The following SPTBN1 variants were observed in gnomAD, a reference collection of about 807,000 sequenced individuals.
SPTBN1 encodes the protein spectrin beta chain, non-erythrocytic 1.
SPTBN1 carries 32 observed loss-of-function variants against 266.4 expected under a neutral mutation model. The ratio of observed to expected loss-of-function variants is 0.12; its 90% CI spans 0.09 to 0.16. The LOEUF (loss-of-function observed/expected upper bound fraction) is 0.16, where lower values mean the gene tolerates loss of function less well. Among genes scored for constraint, SPTBN1 ranks in the 10% least tolerant of loss-of-function variants. The pLI, the probability that SPTBN1 is intolerant of heterozygous loss-of-function variation, is 1.00. For synonymous variants in SPTBN1, 1,336 were observed against 1,162.2 expected, an observed-to-expected ratio of 1.15 and a Z score of -3.04; for missense variants, 2,296 against 3,067.1, an observed-to-expected ratio of 0.75 and a Z score of 5.94.
At chr2:54,526,212 C>G (rs1427570571) in intron 1 of SPTBN1, among the ~76,000 whole-genome samples, 160 bp from the exon 2 acceptor site, 1 of 152,182 alleles carries the variant, frequency 6.6e-6, no homozygotes, top group Admixed American at 6.5e-5. Flanking sequence ...GGTCACACAT[C>G]TATTATGAGA....
intron 2 of SPTBN1, among the ~76,000 whole-genome samples, chr2:54,592,922 C>G (rs948519821): frequency 1.3e-5 from 2 of 152,184 alleles, no homozygotes; most frequent in Admixed American, 6.5e-5. Flanking sequence ...AGAGATAACT[C>G]TAGCATCCCA....
At chr2:54,596,330 A>G (rs1465286572) in intron 2 of SPTBN1, among the ~76,000 whole-genome samples, 3 of 152,212 alleles carry the variant, frequency 2.0e-5, no homozygotes, top group Non-Finnish European at 4.4e-5. Flanking sequence ...TCCTCTACTG[A>G]GCCACCAAAT....
intron 1 of SPTBN1, among the ~76,000 whole-genome samples, chr2:54,507,428 A>G (rs764852923): frequency 2.0e-5 from 3 of 152,176 alleles, no homozygotes; most frequent in Non-Finnish European, 2.9e-5. Flanking sequence ...CTGGGGCAAC[A>G]TGGAAACCTA....
Position 54,617,702 on chromosome 2 carries a change from A to T in SPTBN1, c.647+14A>T. On this transcript the variant is annotated intron_variant, in intron 6 of 35. Coordinates refer to ENST00000356805, the MANE Select transcript of SPTBN1 (RefSeq NM_003128.3). ...ACACAAACACCGGTAAGTCCATACA[A>T]ATCATCCTAGCAATCGTGGGGTAAA... The T allele has an allele frequency of 6.2e-7, 1 of 1,613,054 alleles. No homozygotes were observed. The highest frequency in any genetic ancestry group is 8.5e-7 in the Non-Finnish European group (1 of 1,179,286).
rs1670523287 is a variant in SPTBN1 at position 54,522,659 on chromosome 2, AGAGAGAGAGAGAGAGAGAG to A, written c.-47-3693_-47-3675del. Among the ~76,000 whole-genome samples the A allele has an allele frequency of 1.9e-4, 13 of 69,454 alleles. No homozygotes were observed. In the South Asian group the frequency reaches 5.6e-3, roughly 30 times the overall value. The allele number at this position is 69,454 out of a possible 152,430, so 45.6% of individuals were successfully genotyped here. On this transcript the variant is annotated intron_variant, in intron 1 of 35. Transcript: ENST00000356805. Reference sequence around the variant, plus strand: ...AAGAAAGAAAGAAAGAGAGAGAGAAAGAGAGAGAGAGAGAGAGAGGAGAGAGAGAGAGAGAGAGAGAAAG... The same window carrying A: ...AAGAAAGAAAGAAAGAGAGAGAGAAAGAGAGAGAGAGAGAGAGAGAGAAAG...
chr2:54,651,232 G>A (rs910637270), intron 26 of SPTBN1, among the ~76,000 whole-genome samples: 1 of 152,186 alleles, frequency 6.6e-6, no homozygotes, highest in Non-Finnish European at 1.5e-5. Flanking sequence ...AGACAGTGGA[G>A]TTGCTCTCTC....
intron 2 of SPTBN1, among the ~76,000 whole-genome samples, chr2:54,597,184 T>G (rs1291624260): frequency 1.3e-5 from 2 of 152,236 alleles, no homozygotes; most frequent in African/African-American, 2.4e-5. Flanking sequence ...ATATAAACTA[T>G]GAGTTACTTG....
intron 2 of SPTBN1, among the ~76,000 whole-genome samples, chr2:54,547,281 TTA>T (rs1184428424): frequency 6.6e-6 from 1 of 152,260 alleles, no homozygotes; most frequent in Non-Finnish European, 1.5e-5. Flanking sequence ...TTCATCCATG[TTA>T]TAGCATATGA....
At chr2:54,497,931 A>G (rs983034204) in intron 1 of SPTBN1, among the ~76,000 whole-genome samples, 1 of 152,098 alleles carries the variant, frequency 6.6e-6, no homozygotes, top group Non-Finnish European at 1.5e-5. Context: ...ATCTCTACAA[A>G]CATCCTGCCA....
chr2:54,487,561 C>G (rs79141332), intron 1 of SPTBN1, among the ~76,000 whole-genome samples: 1,758 of 152,240 alleles, frequency 0.012, 36 homozygotes, highest in African/African-American at 0.041. Context: ...GACATGTGTT[C>G]ACAAAGCTGC....
At chr2:54,608,985 T>A (rs1360933881) in intron 3 of SPTBN1, among the ~76,000 whole-genome samples, 1 of 152,180 alleles carries the variant, frequency 6.6e-6, no homozygotes, top group Non-Finnish European at 1.5e-5. Context: ...ATCATAAATG[T>A]CTTCATCCTT....
intron 1 of SPTBN1, among the ~76,000 whole-genome samples, chr2:54,489,813 T>C (rs1668594103): frequency 6.6e-6 from 1 of 152,240 alleles, no homozygotes; most frequent in African/African-American, 2.4e-5. Context: ...TTGGGAATGT[T>C]TTGGAAAACA....
chr2:54,615,818 G>A (rs6716759), intron 4 of SPTBN1, among the ~76,000 whole-genome samples: 2 of 152,168 alleles, frequency 1.3e-5, no homozygotes, highest in East Asian at 3.8e-4. Flanking sequence ...ATCAATGAAG[G>A]TTGCACGTGG....
At chr2:54,578,618 A>T (rs1159044496) in intron 2 of SPTBN1, among the ~76,000 whole-genome samples, 1 of 152,142 alleles carries the variant, frequency 6.6e-6, no homozygotes, top group African/African-American at 2.4e-5. Context: ...TAAAACCACA[A>T]ACTTGATTTT....
At chr2:54,566,645 A>G (rs1391566114) in intron 2 of SPTBN1, among the ~76,000 whole-genome samples, 2 of 152,042 alleles carry the variant, frequency 1.3e-5, no homozygotes, top group African/African-American at 4.8e-5. Context: ...AGCCTGGTCA[A>G]CGTGGTGAAA....
intron 2 of SPTBN1, among the ~76,000 whole-genome samples, chr2:54,596,011 TTGTACCTTTTGTACCGTGGTTGTAAGAAG>T (rs1676060249): frequency 6.6e-6 from 1 of 152,088 alleles, no homozygotes; most frequent in Non-Finnish European, 1.5e-5. Flanking sequence ...TTGTACCTTT[TTGTACCTTTTGTACCGTGGTTGTAAGAAG>T]CAACCACGGT....
intron 1 of SPTBN1, among the ~76,000 whole-genome samples, chr2:54,520,712 T>C (rs529147066): frequency 1.6e-5 from 2 of 129,016 alleles, no homozygotes; most frequent in Admixed American, 1.9e-4. Context: ...GATAGGCACT[T>C]TCCTATCTTT....
At chr2:54,617,985 A>G (rs910069885) in intron 6 of SPTBN1, 93 bp from the exon 7 acceptor site, 2 of 1,051,682 alleles carry the variant, frequency 1.9e-6, no homozygotes, top group Non-Finnish European at 1.4e-6. Flanking sequence ...CTAATTGGTG[A>G]TTTTAACCTT....
intron 1 of SPTBN1, among the ~76,000 whole-genome samples, chr2:54,517,489 AAGTT>A (rs1224165461): frequency 6.6e-6 from 1 of 152,204 alleles, no homozygotes; most frequent in African/African-American, 2.4e-5. Flanking sequence ...TGATAAATAA[AAGTT>A]AGTACAGCTA....
Sources: allele counts gnomAD v4.1 joint callset (sites outside exome capture counted in the v4.1 genomes callset), GRCh38; gene constraint gnomAD v4.1.1; transcripts MANE v1.5; gene names NCBI Gene and HGNC (gene_info 2026-07-23, HGNC 2026-07-21).